RYR3: variants seen among roughly 807,000 people sequenced by gnomAD.
The protein encoded by RYR3 is ryanodine receptor 3.
RYR3 carries 207 observed loss-of-function variants against 584.3 expected under a neutral mutation model. The ratio of observed to expected loss-of-function variants is 0.35; its 90% CI spans 0.32 to 0.40. The LOEUF is 0.40. Among genes scored for constraint, RYR3 ranks in the 10% least tolerant of loss-of-function variants. The pLI is 1.00. For synonymous variants in RYR3, 2,416 were observed against 2,248.5 expected, an observed-to-expected ratio of 1.07 and a Z score of -2.11; for missense variants, 5,616 against 6,089.2, an observed-to-expected ratio of 0.92 and a Z score of 2.59.
intron 1 of RYR3, among the ~76,000 whole-genome samples, chr15:33,403,229 T>G (rs1433207826): frequency 6.6e-6 from 1 of 151,436 alleles, no homozygotes; most frequent in African/African-American, 2.4e-5. Flanking sequence ...TTTTCAACCA[T>G]GTATAGGTAG....
chr15:33,725,178 C>CACACACACACACACACATATAT lies in RYR3; in HGVS notation c.6912+1019_6912+1020insTATATACACACACACACACACA, dbSNP rs1555426976. Among the ~76,000 whole-genome samples, 12 of 120,940 alleles carry CACACACACACACACACATATAT rather than the reference C, an allele frequency of 9.9e-5. 1 individual carries two copies. Among genetic ancestry groups the CACACACACACACACACATATAT allele is most frequent in the East Asian group, 4.2e-4 (1 of 2,370 alleles). The allele number at this position is 120,940 out of a possible 152,430, so 79.3% of individuals were successfully genotyped here. A position where few individuals can be genotyped will look rare whatever the true frequency, so the allele number is the denominator to read the frequency against. On this transcript the variant is annotated intron_variant, in intron 45 of 103. Coordinates refer to ENST00000634891, the MANE Select transcript of RYR3 (RefSeq NM_001036.6). The stretch of plus-strand genomic sequence containing the variant: ...TTACACACACACACACACACACACA[C>CACACACACACACACACATATAT]ACACACACACACACACACACACACA...
intron 3 of RYR3, among the ~76,000 whole-genome samples, chr15:33,516,374 C>G (rs2053522871): frequency 6.6e-6 from 1 of 150,620 alleles, no homozygotes; most frequent in South Asian, 2.1e-4. Context: ...GACGGAATCT[C>G]ACTCCGTCAC....
intron 1 of RYR3, among the ~76,000 whole-genome samples, chr15:33,371,011 A>T (rs115432363): frequency 0.026 from 3,895 of 152,284 alleles, 184 homozygotes; most frequent in African/African-American, 0.09. Context: ...CACAAAGAAG[A>T]TGCTCAGTAA....
At chr15:33,862,086 G>A (rs921836632) in intron 102 of RYR3, among the ~76,000 whole-genome samples, 1 of 152,030 alleles carries the variant, frequency 6.6e-6, no homozygotes, top group Non-Finnish European at 1.5e-5. Flanking sequence ...TGTATAGAGT[G>A]TATAGATTTT....
chr15:33,760,334 C>A (rs2072304390), intron 60 of RYR3, among the ~76,000 whole-genome samples: 1 of 151,914 alleles, frequency 6.6e-6, no homozygotes, highest in African/African-American at 2.4e-5. Context: ...AAGACACAGA[C>A]AGGCAAATTG....
intron 57 of RYR3, among the ~76,000 whole-genome samples, chr15:33,751,510 C>G (rs2071305590): frequency 6.6e-6 from 1 of 151,780 alleles, no homozygotes; most frequent in African/African-American, 2.4e-5. Flanking sequence ...TTTTCGTATG[C>G]CAGTTGGCTG....
At chr15:33,328,069 C>T (rs1183279523) in intron 1 of RYR3, among the ~76,000 whole-genome samples, 2 of 152,210 alleles carry the variant, frequency 1.3e-5, no homozygotes, top group East Asian at 1.9e-4. Context: ...GTTTTTGTTG[C>T]TGTGTTTTCT....
At chr15:33,817,048 C>A in intron 75 of RYR3, 90 bp downstream of exon 75, 2 of 780,096 alleles carry the variant, frequency 2.6e-6, no homozygotes, top group South Asian at 1.7e-5. Flanking sequence ...TAAACATTCA[C>A]AAGGAATCGT....
At chr15:33,464,316 G>A (rs1038287949) in intron 1 of RYR3, among the ~76,000 whole-genome samples, 8 of 151,476 alleles carry the variant, frequency 5.3e-5, no homozygotes, top group African/African-American at 1.9e-4. Context: ...GGTATGTGGG[G>A]GAAGCACATC....
intron 41 of RYR3, among the ~76,000 whole-genome samples, chr15:33,700,250 C>T (rs530689887): frequency 6.6e-6 from 1 of 152,340 alleles, no homozygotes; most frequent in East Asian, 1.9e-4. Context: ...CTGCAGGCTG[C>T]ATACCTGTCC....
intron 40 of RYR3, 99 bp downstream of exon 40, chr15:33,698,095 T>G: frequency 1.3e-6 from 1 of 780,172 alleles, no homozygotes; most frequent in Non-Finnish European, 2.3e-6. Context: ...TTGCCTCAGT[T>G]TCTCTTCCAG....
intron 16 of RYR3, among the ~76,000 whole-genome samples, chr15:33,587,626 C>T (rs555926897): frequency 6.6e-6 from 1 of 152,086 alleles, no homozygotes; most frequent in Non-Finnish European, 1.5e-5. Flanking sequence ...CTTCTAGAAC[C>T]AAGACATTGT....
Position 33,566,749 on chromosome 15 carries a change from G to C in RYR3, c.1218G>C (p.Gln406His). 6.2e-7 allele frequency: 1 copy of C among 1,613,772 alleles called. No homozygotes were observed. Among genetic ancestry groups the C allele is most frequent in the East Asian group, 2.2e-5 (1 of 44,870 alleles). ...TLQRCQREES[Q>H]AARIIRNTTA... is the part of the protein sequence containing the mutation. ...AGAGATGCCAGCGTGAGGAGTCCCA[G>C]GCTGCTCGGATCATCCGGAACACTA... The change falls in exon 12 of 104, where the codon CAG becomes CAC. Residue 406 changes from glutamine (Q) to histidine (H), a missense_variant. Transcript: ENST00000634891.
intron 38 of RYR3, among the ~76,000 whole-genome samples, chr15:33,684,802 T>C (rs2064876308): frequency 1.3e-5 from 2 of 152,140 alleles, no homozygotes; most frequent in South Asian, 4.1e-4. Flanking sequence ...ATATTCAACA[T>C]TCTTAAAGAC....
intron 1 of RYR3, among the ~76,000 whole-genome samples, chr15:33,409,385 G>T (rs1487206128): frequency 6.7e-6 from 1 of 150,230 alleles, no homozygotes; most frequent in African/African-American, 2.4e-5. Flanking sequence ...CTTGTTCCCA[G>T]AGACACTACC....
intron 1 of RYR3, among the ~76,000 whole-genome samples, chr15:33,425,950 T>TA (rs2044625014): frequency 6.6e-6 from 1 of 152,224 alleles, no homozygotes; most frequent in South Asian, 2.1e-4. Context: ...ACTGTTTTTT[T>TA]ATTCTTTAAA....
intron 1 of RYR3, among the ~76,000 whole-genome samples, chr15:33,393,696 C>A (rs534725728): frequency 5.3e-5 from 8 of 152,220 alleles, no homozygotes; most frequent in African/African-American, 1.9e-4. Flanking sequence ...GCATGTTGGT[C>A]GTTTGGTAAA....
intron 30 of RYR3, among the ~76,000 whole-genome samples, chr15:33,647,988 CAAAAAAAA>C (rs3085194): frequency 3.1e-5 from 3 of 98,328 alleles, no homozygotes; most frequent in South Asian, 4.3e-4. Flanking sequence ...TAGCATCTGG[CAAAAAAAA>C]AAAAAAAAAA....
At position 33,687,960 on chromosome 15, in the gene RYR3, G is replaced by A. The variant is rs150688773; in HGVS notation, c.5861-8258G>A. 6.5e-3 allele frequency among the ~76,000 whole-genome samples: 984 copies of A among 152,132 alleles called. 7 individuals carry two copies. The highest frequency in any genetic ancestry group is 0.01 in the Non-Finnish European group (699 of 67,984). Reference sequence around the variant, plus strand: ...TGTTAGACCTAAAACCATAAAAACCGTAGAAGAAAACCTAGGCAATACCAT... The same window carrying A: ...TGTTAGACCTAAAACCATAAAAACCATAGAAGAAAACCTAGGCAATACCAT... On this transcript the variant is annotated intron_variant, in intron 38 of 103. Coordinates refer to ENST00000634891, the MANE Select transcript of RYR3 (RefSeq NM_001036.6).
Sources: gnomAD v4.1 joint callset for allele counts (sites outside exome capture counted in the v4.1 genomes callset) on GRCh38, gnomAD v4.1.1 for gene constraint, MANE v1.5 for transcripts, NCBI Gene and HGNC (gene_info 2026-07-23, HGNC 2026-07-21) for gene names.